The following IFI16 variants were observed in gnomAD, a reference collection of about 807,000 sequenced individuals.
IFI16 encodes interferon gamma inducible protein 16.
A neutral mutation model predicts 68.4 loss-of-function variants in IFI16; 49 were observed. That is an observed-to-expected ratio of 0.72 (90% CI 0.57 to 0.91). The LOEUF (loss-of-function observed/expected upper bound fraction) is 0.91, where lower values mean the gene tolerates loss of function less well. Ranked by LOEUF, IFI16 falls within the 40% of genes least tolerant of loss-of-function variation. The pLI, the probability that IFI16 is intolerant of heterozygous loss-of-function variation, is 0.00. For missense variants in IFI16, 878 were observed against 942.9 expected (o/e 0.93, Z 0.90); for synonymous variants, 307 against 315.0 (o/e 0.97, Z 0.27).
intron 7 of IFI16, among the ~76,000 whole-genome samples, chr1:159,041,481 G>A (rs993179843): frequency 2.0e-5 from 3 of 152,142 alleles, no homozygotes; most frequent in Non-Finnish European, 2.9e-5. Context: ...ACTAGAGCCT[G>A]AAGAGCAGAT....
At chr1:159,047,281 A>G (rs1395640046) in intron 8 of IFI16, among the ~76,000 whole-genome samples, 9 of 150,234 alleles carry the variant, frequency 6.0e-5, no homozygotes, top group East Asian at 5.8e-4. Flanking sequence ...CTTTTTTTTT[A>G]GTTATTAATT....
chr1:159,040,456 G>C (rs1431737235), intron 7 of IFI16, among the ~76,000 whole-genome samples: 1 of 152,188 alleles, frequency 6.6e-6, no homozygotes, highest in Non-Finnish European at 1.5e-5. Flanking sequence ...TAAATTGTTT[G>C]AGTGTTTTCA....
upstream of IFI16, among the ~76,000 whole-genome samples, chr1:159,003,188 A>C (rs938112955): frequency 6.6e-6 from 1 of 152,216 alleles, no homozygotes; most frequent in South Asian, 2.1e-4. Flanking sequence ...GAAGTAAAAC[A>C]TGGTGTATTG....
In IFI16 at chr1:159,016,033, C is replaced by T. The variant is rs766729623; in HGVS notation, c.381+46C>T. ...CAGGCTTCAAGTCCCACAGAGGAAGCTCTGCTACGGCTCTTCCACTCAATC... is the reference window on the plus strand; with the variant it reads ...CAGGCTTCAAGTCCCACAGAGGAAGTTCTGCTACGGCTCTTCCACTCAATC... On this transcript the variant is annotated intron_variant, in intron 3 of 11. Transcript: ENST00000295809. 5.7e-6 allele frequency: 7 copies of T among 1,236,150 alleles called. No homozygotes were observed. The South Asian group carries it at 7.3e-5, about 13-fold the overall frequency. 76.6% of individuals were successfully genotyped at this position (1,236,150 alleles called of 1,614,324 possible).
intron 7 of IFI16, among the ~76,000 whole-genome samples, chr1:159,040,892 A>C (rs1445586662): frequency 1.3e-5 from 2 of 152,252 alleles, no homozygotes; most frequent in Non-Finnish European, 2.9e-5. Context: ...TGTTTCTACC[A>C]GTGTGAGAGA....
At chr1:159,010,445 G>A (rs1229592089) in intron 1 of IFI16, among the ~76,000 whole-genome samples, 1 of 152,196 alleles carries the variant, frequency 6.6e-6, no homozygotes, top group Non-Finnish European at 1.5e-5. Context: ...ACTGGCATAA[G>A]TTGGTACTTA....
intron 4 of IFI16, 151 bp from the exon 5 acceptor site, chr1:159,018,078 T>A: frequency 1.6e-6 from 1 of 631,292 alleles, no homozygotes; most frequent in East Asian, 2.7e-5. Flanking sequence ...AGATATCTTC[T>A]GCCCTGGCTC....
chr1:159,033,697 A>G (rs1186793006), intron 7 of IFI16, among the ~76,000 whole-genome samples: 3 of 152,230 alleles, frequency 2.0e-5, no homozygotes, highest in Non-Finnish European at 4.4e-5. Flanking sequence ...ATGATTATAT[A>G]TGGCTTTAGA....
intron 7 of IFI16, among the ~76,000 whole-genome samples, chr1:159,039,702 C>T (rs1654511475): frequency 6.6e-6 from 1 of 152,126 alleles, no homozygotes. Context: ...TTCCTGAGAA[C>T]CTGGAGGCCA....
At chr1:159,046,664 A>G (rs1275491139) in intron 8 of IFI16, among the ~76,000 whole-genome samples, 9 of 151,006 alleles carry the variant, frequency 6.0e-5, no homozygotes, top group African/African-American at 2.2e-4. Context: ...TAACCACATC[A>G]AGGGTTTTGA....
At chr1:159,015,736 G>A in intron 2 of IFI16, 136 bp from the exon 3 acceptor site, 1 of 650,788 alleles carries the variant, frequency 1.5e-6, no homozygotes, top group South Asian at 1.8e-5. Context: ...ATGCAGTAGA[G>A]CTAGACTAAA....
chr1:159,044,786 A>T (rs923458270), intron 7 of IFI16, among the ~76,000 whole-genome samples: 1 of 152,162 alleles, frequency 6.6e-6, no homozygotes, highest in Non-Finnish European at 1.5e-5. Flanking sequence ...GTGATCATAG[A>T]ACCTTCCCTG....
intron 7 of IFI16, among the ~76,000 whole-genome samples, chr1:159,036,475 T>C (rs1557875408): frequency 1.3e-5 from 2 of 152,216 alleles, no homozygotes; most frequent in South Asian, 4.1e-4. Context: ...CTGATAATGA[T>C]TTTTAGTGTT....
chr1:159,018,291 A>G lies in IFI16; in HGVS notation c.612A>G (p.Pro204=). Residue 204 remains proline (P), a synonymous_variant, in exon 5 of 12, where the codon CCA becomes CCG. Coordinates refer to ENST00000295809, the MANE Select transcript of IFI16 (RefSeq NM_001376587.1). ...GAAGAAATGTTCTCCAAAAACGCCC[A>G]GTGATAGTGAAGGTACTGAGTACAA... The part of the protein sequence containing the change: ...TPRRNVLQKR[P]VIVKVLSTTK... The G allele has an allele frequency of 6.2e-7, 1 of 1,614,170 alleles. No homozygotes were observed.
intron 6 of IFI16, among the ~76,000 whole-genome samples, chr1:159,030,534 C>T (rs973079210): frequency 3.3e-5 from 5 of 152,130 alleles, no homozygotes; most frequent in Admixed American, 2.0e-4. Flanking sequence ...GATGGGGCTT[C>T]CTGAGAGCTG....
At chr1:159,035,429 TA>T (rs1457921216) in intron 7 of IFI16, among the ~76,000 whole-genome samples, 1 of 152,218 alleles carries the variant, frequency 6.6e-6, no homozygotes, top group African/African-American at 2.4e-5. Flanking sequence ...TGAGAATTTC[TA>T]AGTCCCACCT....
chr1:159,041,179 C>A (rs1654613871), intron 7 of IFI16, among the ~76,000 whole-genome samples: 1 of 152,152 alleles, frequency 6.6e-6, no homozygotes, highest in African/African-American at 2.4e-5. Flanking sequence ...AAATGGACAT[C>A]ACATGTAAAT....
In IFI16 at chr1:159,018,641, T is replaced by C; in HGVS notation, c.962T>C (p.Met321Thr). 6.2e-7 allele frequency: 1 copy of C among 1,606,156 alleles called. No individual in the cohort carries two copies. The highest frequency in any genetic ancestry group is 1.1e-5 in the South Asian group (1 of 90,136). Reference protein sequence around the residue: ...ASGNIVYGVFMLHKKTVNQKT... With the variant: ...ASGNIVYGVFTLHKKTVNQKT... ...GGAAATATTGTATATGGGGTATTTA[T>C]GCTACATAAGGTAAGTCCTCAAAAT... The change falls in exon 5 of 12, where the codon ATG (methionine) becomes ACG (threonine). Residue 321 changes from methionine (M) to threonine (T), a missense_variant. Physicochemically the swap from Met to Thr is moderately conservative, Grantham distance 81. Coordinates refer to ENST00000295809, the MANE Select transcript of IFI16 (RefSeq NM_001376587.1).
chr1:159,011,760 T>C (rs1652581439), intron 1 of IFI16, among the ~76,000 whole-genome samples: 1 of 152,162 alleles, frequency 6.6e-6, no homozygotes, highest in Non-Finnish European at 1.5e-5. Flanking sequence ...CCTTGCAAGA[T>C]AATTTTTAAC....
Sources: gnomAD v4.1 joint callset for allele counts (sites outside exome capture counted in the v4.1 genomes callset) on GRCh38, gnomAD v4.1.1 for gene constraint, MANE v1.5 for transcripts, NCBI Gene and HGNC (gene_info 2026-07-23, HGNC 2026-07-21) for gene names.